Variants in MTMR8 observed in about 807,000 individuals in gnomAD.
The protein encoded by MTMR8 is phosphatidylinositol-3,5-bisphosphate 3-phosphatase MTMR8.
A neutral mutation model predicts 39.3 loss-of-function variants in MTMR8; 65 were observed. That is an observed-to-expected ratio of 1.65 (90% confidence interval 1.35 to 2.03). The LOEUF (loss-of-function observed/expected upper bound fraction) is 2.03, where lower values mean the gene tolerates loss of function less well. Ranked by LOEUF, MTMR8 falls within the 30% of genes most tolerant of loss-of-function variation. The pLI, the probability that MTMR8 is intolerant of heterozygous loss-of-function variation, is 0.00. For synonymous variants in MTMR8, 245 were observed against 185.2 expected (o/e 1.32, Z -2.62); for missense variants, 777 against 538.9 (o/e 1.44, Z -4.37).
chrX:64,271,347 T>C lies in MTMR8; in HGVS notation c.1482-274A>G, dbSNP rs368313054. 3.6e-5 allele frequency among the ~76,000 whole-genome samples: 4 copies of C among 112,005 alleles called. No homozygotes were observed. In the South Asian group the frequency reaches 1.5e-3, roughly 42 times the overall value. On this transcript the variant is annotated intron_variant, in intron 12 of 13. Transcript: ENST00000374852. Reference sequence around the variant, plus strand: ...TTATGATTTTACTTTGAGATAATTATAGACTCACATGTAGTTTTATGAAAT... The same window carrying C: ...TTATGATTTTACTTTGAGATAATTACAGACTCACATGTAGTTTTATGAAAT...
In MTMR8 at chrX:64,315,049, G is replaced by C. The variant is rs186855207; in HGVS notation, c.1481+13723C>G. ...AGACTAAAGTCTACTATGACAGCAAGTCGAGTTAGGGGGATGGGCATCCCT... is the reference window on the plus strand; with the variant it reads ...AGACTAAAGTCTACTATGACAGCAACTCGAGTTAGGGGGATGGGCATCCCT... On this transcript the variant is annotated intron_variant, in intron 12 of 13. Coordinates refer to ENST00000374852, the MANE Select transcript of MTMR8 (RefSeq NM_017677.4). Among the ~76,000 whole-genome samples the C allele has an allele frequency of 3.0e-4, 34 of 111,955 alleles. No homozygotes were observed. The East Asian group carries it at 7.1e-3, about 23-fold the overall frequency.
chrX:64,386,285 T>C (rs1924554892), intron 1 of MTMR8, among the ~76,000 whole-genome samples: 1 of 111,827 alleles, frequency 8.9e-6, no homozygotes, highest in Admixed American at 9.5e-5. Context: ...TGTAATTTTG[T>C]CTTTTGATAA....
rs1262197222 is a variant in MTMR8 at position 64,268,945 on chromosome X, A to C, written c.1707T>G (p.Pro569=). 4.1e-6 allele frequency: 5 copies of C among 1,209,949 alleles called. No homozygotes were observed. In the South Asian group the frequency reaches 7.0e-5, roughly 17 times the overall value. The change falls in exon 14 of 14, where the codon CCT becomes CCG. Residue 569 remains proline (P), a synonymous_variant. Coordinates refer to ENST00000374852, the MANE Select transcript of MTMR8 (RefSeq NM_017677.4). ...SQHLGSPLTN[P]LGFMGINGDL... The stretch of plus-strand genomic sequence containing the variant: ...CTCCATTGATACCCATAAAGCCAAG[A>C]GGATTGGTCAAAGGACTTCCCAGAT...
intron 1 of MTMR8, among the ~76,000 whole-genome samples, chrX:64,362,900 C>T (rs1488627395): frequency 9.1e-6 from 1 of 110,285 alleles, no homozygotes; most frequent in Admixed American, 9.7e-5. Flanking sequence ...GAAAAAGAGG[C>T]CCCAAAAGAA....
At chrX:64,391,335 A>G (rs1427135408) in intron 1 of MTMR8, among the ~76,000 whole-genome samples, 1 of 112,321 alleles carries the variant, frequency 8.9e-6, no homozygotes, top group Non-Finnish European at 1.9e-5. Flanking sequence ...CAGATTTTTG[A>G]CTAAATTATC....
rs12849078 is a variant in MTMR8, at chrX:64,308,447, G to A, written c.1481+20325C>T. 6.3e-3 allele frequency among the ~76,000 whole-genome samples: 678 copies of A among 107,493 alleles called. 5 individuals are homozygous for A. Among genetic ancestry groups the A allele is most frequent in the Non-Finnish European group, 0.01 (536 of 52,145 alleles). The allele number at this position is 107,493 out of a possible 115,157, so 93.3% of individuals were successfully genotyped here. A position where few individuals can be genotyped will look rare whatever the true frequency, so the allele number is the denominator to read the frequency against. Reference sequence around the variant, plus strand: ...GCCTCCCAAAGTGCTGGGATTACAGGCATGAGCCACTGTGCCCAGCTGACA... The same window carrying A: ...GCCTCCCAAAGTGCTGGGATTACAGACATGAGCCACTGTGCCCAGCTGACA... On this transcript the variant is annotated intron_variant, in intron 12 of 13. Transcript: ENST00000374852.
chrX:64,359,460 G>A lies in MTMR8; in HGVS notation c.92C>T (p.Thr31Ile), dbSNP rs1305073711. The change falls in exon 2 of 14, where the codon ACT (threonine) becomes ATT (isoleucine). Residue 31 changes from threonine to isoleucine, a missense_variant. Physicochemically the swap from Thr to Ile is moderately conservative, Grantham distance 89 (BLOSUM62 -1). Transcript: ENST00000374852. Reference protein sequence around the residue: ...KKPANGILYLTATHLIYVEAS... With the variant: ...KKPANGILYLIATHLIYVEAS... ...CTCCACATAGATCAGGTGGGTTGCA[G>A]TAAGATAAAGAATCCCATTAGCTGG... The A allele has an allele frequency of 8.3e-7, 1 of 1,206,542 alleles. No homozygotes were observed. Among genetic ancestry groups the A allele is most frequent in the Non-Finnish European group, 1.1e-6 (1 of 893,064 alleles).
chrX:64,345,929 G>A (rs141851188), intron 6 of MTMR8, among the ~76,000 whole-genome samples: 172 of 112,287 alleles, frequency 1.5e-3, no homozygotes, highest in Middle Eastern at 0.014. Context: ...CAATTAAATA[G>A]CTATTCTAGA....
At chrX:64,339,005 C>T (rs978256779) in intron 8 of MTMR8, among the ~76,000 whole-genome samples, 18 of 110,678 alleles carry the variant, frequency 1.6e-4, no homozygotes, top group African/African-American at 5.9e-4. Context: ...ATGTTTTGGC[C>T]ATGGTGAGTT....
At chrX:64,321,582 T>A (rs1419793325) in intron 12 of MTMR8, among the ~76,000 whole-genome samples, 1 of 111,534 alleles carries the variant, frequency 9.0e-6, no homozygotes, top group Non-Finnish European at 1.9e-5. Flanking sequence ...CAGGGTCCTG[T>A]AGAAGATTAG....
At chrX:64,295,864 T>C (rs1921560816) in intron 12 of MTMR8, among the ~76,000 whole-genome samples, 1 of 111,892 alleles carries the variant, frequency 8.9e-6, no homozygotes. Flanking sequence ...CTGATGGGAA[T>C]GTAAAATGGC....
At chrX:64,278,199 G>C (rs1233498359) in intron 12 of MTMR8, among the ~76,000 whole-genome samples, 1 of 108,963 alleles carries the variant, frequency 9.2e-6, no homozygotes, top group Non-Finnish European at 1.9e-5. Context: ...GGAAGAGTTT[G>C]TTATTACCTA....
chrX:64,378,143 G>A (rs1924318502), intron 1 of MTMR8, among the ~76,000 whole-genome samples: 1 of 111,898 alleles, frequency 8.9e-6, no homozygotes, highest in African/African-American at 3.3e-5. Context: ...TGCAGTTTCA[G>A]GTAGTTCCTT....
At chrX:64,304,581 T>C (rs946197845) in intron 12 of MTMR8, among the ~76,000 whole-genome samples, 1 of 110,437 alleles carries the variant, frequency 9.1e-6, no homozygotes. Context: ...GCCTTGAAGA[T>C]AATAGTACTA....
chrX:64,273,112 A>C (rs920456800), intron 12 of MTMR8, among the ~76,000 whole-genome samples: 1 of 111,882 alleles, frequency 8.9e-6, no homozygotes, highest in African/African-American at 3.2e-5. Context: ...ACAGTAGCAT[A>C]AAAAAGTATA....
chrX:64,378,650 T>G (rs1316660773), intron 1 of MTMR8, among the ~76,000 whole-genome samples: 1 of 112,416 alleles, frequency 8.9e-6, no homozygotes, highest in East Asian at 2.8e-4. Context: ...GCAAAAGCAG[T>G]GCTTAGAAGA....
chrX:64,351,663 A>C (rs2147230722), intron 4 of MTMR8, among the ~76,000 whole-genome samples: 1 of 111,848 alleles, frequency 8.9e-6, no homozygotes, highest in South Asian at 3.8e-4. Flanking sequence ...CCAACAGAGC[A>C]GCCTTCAGTT....
chrX:64,344,960 T>G (rs758773220), intron 7 of MTMR8, 85 bp downstream of exon 7: 1 of 1,061,379 alleles, frequency 9.4e-7, no homozygotes, highest in Non-Finnish European at 1.3e-6. Context: ...TGCTTTTATA[T>G]TCCACCCCAA....
chrX:64,318,685 TGTTTG>T (rs771767847), intron 12 of MTMR8, among the ~76,000 whole-genome samples: 32 of 107,838 alleles, frequency 3.0e-4, no homozygotes, highest in African/African-American at 2.1e-4. Flanking sequence ...AAAACTAGTT[TGTTTG>T]GTTTGGTTTG....
Sources: allele counts gnomAD v4.1 joint callset (sites outside exome capture counted in the v4.1 genomes callset), GRCh38; gene constraint gnomAD v4.1.1; transcripts MANE v1.5; gene names NCBI Gene and HGNC (gene_info 2026-07-23, HGNC 2026-07-21).